The following PRR16 variants were observed in gnomAD, a reference collection of about 807,000 sequenced individuals.
The protein encoded by PRR16 is proline rich 16.
A neutral mutation model predicts 18.2 loss-of-function variants in PRR16; 6 were observed. That is an observed-to-expected ratio of 0.33 (90% CI 0.18 to 0.65). PRR16 has a LOEUF of 0.65. PRR16 is among the 30% of genes least tolerant of loss of function. PRR16 has a pLI of 0.74. For missense variants in PRR16, 412 were observed against 376.6 expected, an observed-to-expected ratio of 1.09 and a Z score of -0.78; for synonymous variants, 151 against 147.8, an observed-to-expected ratio of 1.02 and a Z score of -0.16.
At chr5:120,481,099 A>C (rs759383053) in intron 1 of PRR16, 78 of 1,179,984 alleles carry the variant, frequency 6.6e-5, no homozygotes, top group Non-Finnish European at 7.8e-5. Flanking sequence ...GATATTTGTG[A>C]ATTTTCAAAT....
At chr5:120,743,591 T>C in the PRR16 span, among the ~76,000 whole-genome samples, 1 of 152,180 alleles carries the variant, frequency 6.6e-6, no homozygotes, top group Non-Finnish European at 1.5e-5. Flanking sequence ...CTTTTAATTT[T>C]AATTACTTGA....
At chr5:120,611,721 G>A (rs932071765) in intron 1 of PRR16, among the ~76,000 whole-genome samples, 2 of 152,184 alleles carry the variant, frequency 1.3e-5, no homozygotes, top group Admixed American at 6.5e-5. Context: ...TTGCTGCAGG[G>A]GTGGGGCCCA....
chr5:120,582,872 A>G (rs893648255), intron 1 of PRR16, among the ~76,000 whole-genome samples: 6 of 152,248 alleles, frequency 3.9e-5, no homozygotes, highest in African/African-American at 1.4e-4. Flanking sequence ...TTATTGGTGC[A>G]TAATAAATCA....
At chr5:120,537,007 A>C (rs1580699348) in intron 1 of PRR16, among the ~76,000 whole-genome samples, 1 of 152,318 alleles carries the variant, frequency 6.6e-6, no homozygotes, top group South Asian at 2.1e-4. Flanking sequence ...ACTCATGAAC[A>C]CAAAGGAGGG....
the PRR16 span, among the ~76,000 whole-genome samples, chr5:120,787,278 T>C: frequency 6.6e-6 from 1 of 152,162 alleles, no homozygotes; most frequent in South Asian, 2.1e-4. Context: ...AATTATTAAA[T>C]AGGCAAAATT....
At chr5:120,658,961 G>C (rs956901662) in intron 1 of PRR16, among the ~76,000 whole-genome samples, 1 of 151,448 alleles carries the variant, frequency 6.6e-6, no homozygotes, top group African/African-American at 2.4e-5. Flanking sequence ...TCTTCCCTCT[G>C]GTCACAATCA....
chr5:120,777,531 A>G, the PRR16 span, among the ~76,000 whole-genome samples: 1 of 151,014 alleles, frequency 6.6e-6, no homozygotes, highest in African/African-American at 2.4e-5. Flanking sequence ...CCCTATTCTC[A>G]TTAGTTTTGT....
At chr5:120,683,049 T>C (rs1396921807) in intron 1 of PRR16, among the ~76,000 whole-genome samples, 1 of 152,126 alleles carries the variant, frequency 6.6e-6, no homozygotes, top group African/African-American at 2.4e-5. Context: ...AAACATTCTG[T>C]GGCAGGAAGC....
At chr5:120,750,020 C>G in the PRR16 span, among the ~76,000 whole-genome samples, 1 of 152,258 alleles carries the variant, frequency 6.6e-6, no homozygotes. Context: ...GAAAAAAATA[C>G]ATATGAATCA....
chr5:120,597,847 A>G (rs1753862340), intron 1 of PRR16, among the ~76,000 whole-genome samples: 1 of 151,790 alleles, frequency 6.6e-6, no homozygotes, highest in Non-Finnish European at 1.5e-5. Flanking sequence ...TTCATTTGAA[A>G]TGTAAGATCA....
intron 1 of PRR16, among the ~76,000 whole-genome samples, chr5:120,631,753 C>T (rs980838275): frequency 1.3e-5 from 2 of 152,074 alleles, no homozygotes; most frequent in African/African-American, 4.8e-5. Context: ...CTGCCTCTAC[C>T]CACCCTGGTA....
At chr5:120,548,708 T>C (rs1052518016) in intron 1 of PRR16, among the ~76,000 whole-genome samples, 1 of 149,270 alleles carries the variant, frequency 6.7e-6, no homozygotes, top group African/African-American at 2.5e-5. Context: ...GGGCTTGACA[T>C]GTTCTTTTCA....
chr5:120,600,324 C>G lies in PRR16; in HGVS notation c.160-85630C>G, dbSNP rs1356924030. Reference sequence around the variant, plus strand: ...TTTGTTTAACCCCAAAGACTTTAAACTGATACAATATGTATACCTTCTCAT... The same window carrying G: ...TTTGTTTAACCCCAAAGACTTTAAAGTGATACAATATGTATACCTTCTCAT... On this transcript the variant is annotated intron_variant, in intron 1 of 1. Transcript: ENST00000407149. Among the ~76,000 whole-genome samples the G allele has an allele frequency of 2.6e-5, 4 of 151,944 alleles. No individual in the cohort carries two copies. In the South Asian group the frequency reaches 8.3e-4, roughly 31 times the overall value.
At chr5:120,770,291 A>T in the PRR16 span, among the ~76,000 whole-genome samples, 1 of 151,962 alleles carries the variant, frequency 6.6e-6, no homozygotes, top group African/African-American at 2.4e-5. Flanking sequence ...AAATAAATCC[A>T]TTCATACACG....
chr5:120,743,304 T>C, the PRR16 span, among the ~76,000 whole-genome samples: 1 of 152,186 alleles, frequency 6.6e-6, no homozygotes. Context: ...TCTTGGTTAG[T>C]AAAATTTAGT....
chr5:120,614,636 G>T (rs936926676), intron 1 of PRR16, among the ~76,000 whole-genome samples: 1 of 152,168 alleles, frequency 6.6e-6, no homozygotes, highest in African/African-American at 2.4e-5. Context: ...ACAAAAGAAG[G>T]AATTGTTCAG....
intron 1 of PRR16, among the ~76,000 whole-genome samples, chr5:120,683,421 G>A (rs1344451239): frequency 6.7e-6 from 1 of 149,806 alleles, no homozygotes; most frequent in African/African-American, 2.5e-5. Context: ...AGAATTGCTT[G>A]AACCTGGGAG....
At chr5:120,766,507 A>G in the PRR16 span, among the ~76,000 whole-genome samples, 1 of 151,778 alleles carries the variant, frequency 6.6e-6, no homozygotes, top group African/African-American at 2.4e-5. Context: ...TCATATATAC[A>G]TTGCAAACAT....
chr5:120,708,701 C>A, the PRR16 span, among the ~76,000 whole-genome samples: 1 of 152,008 alleles, frequency 6.6e-6, no homozygotes, highest in African/African-American at 2.4e-5. Context: ...GTTTCAGAAC[C>A]CAATCCTACC....
Sources: allele counts gnomAD v4.1 joint callset (sites outside exome capture counted in the v4.1 genomes callset), GRCh38; gene constraint gnomAD v4.1.1; transcripts MANE v1.5; gene names NCBI Gene and HGNC (gene_info 2026-07-23, HGNC 2026-07-21).